The following G3BP1 variants were observed in gnomAD, a reference collection of about 807,000 sequenced individuals.
G3BP1 encodes G3BP stress granule assembly factor 1, also known as ras GTPase-activating protein-binding protein 1.
In G3BP1, 35 loss-of-function variants were observed where a neutral mutation model predicts 58.6. That is an observed-to-expected ratio of 0.60 (90% confidence interval 0.46 to 0.79). The LOEUF (loss-of-function observed/expected upper bound fraction) is 0.79, where lower values mean the gene tolerates loss of function less well. G3BP1 is among the 30% of genes least tolerant of loss of function. The pLI, the probability that G3BP1 is intolerant of heterozygous loss-of-function variation, is 0.00. For synonymous variants in G3BP1, 191 were observed against 195.4 expected (o/e 0.98, Z 0.19); for missense variants, 523 against 580.8 (o/e 0.90, Z 1.02).
rs1382969239 is a variant in G3BP1, at chr5:151,803,991, C to T, written c.1301C>T (p.Pro434Leu). The change falls in exon 12 of 12, where the codon CCT (proline) becomes CTT (leucine). Residue 434 changes from proline to leucine, a missense_variant. Around this residue, in one of 2 missense-constraint regions of G3BP1, gnomAD observed 125 missense variants for 181.7 expected, o/e 0.69. Coordinates refer to ENST00000356245, the MANE Select transcript of G3BP1 (RefSeq NM_005754.3). ...AATCGCCTTCGGGGACCTGGAGGCC[C>T]TCGAGGTGGGCTGGGTGGTGGAATG... ...RDNRLRGPGG[P>L]RGGLGGGMRG... The T allele has an allele frequency of 1.2e-6, 2 of 1,613,624 alleles. No individual in the cohort carries two copies. The highest frequency in any genetic ancestry group is 8.5e-7 in the Non-Finnish European group (1 of 1,179,736).
chr5:151,783,488 A>G (rs1762506957), intron 1 of G3BP1, among the ~76,000 whole-genome samples: 1 of 151,490 alleles, frequency 6.6e-6, no homozygotes, highest in East Asian at 1.9e-4. Flanking sequence ...GCTCGCTGCA[A>G]CCTCTGCCTC....
At chr5:151,796,863 C>A (rs1472569985) in intron 6 of G3BP1, among the ~76,000 whole-genome samples, 1 of 151,996 alleles carries the variant, frequency 6.6e-6, no homozygotes, top group East Asian at 1.9e-4. Context: ...AGACTATACC[C>A]ATTGAATGGC....
At chr5:151,780,676 C>A (rs1762454425) in intron 1 of G3BP1, among the ~76,000 whole-genome samples, 1 of 152,026 alleles carries the variant, frequency 6.6e-6, no homozygotes. Context: ...CCATGCCTGG[C>A]CAGTTTTTTT....
At chr5:151,799,613 AG>A (rs1037510286) in intron 8 of G3BP1, among the ~76,000 whole-genome samples, 25 of 151,800 alleles carry the variant, frequency 1.6e-4, no homozygotes, top group Admixed American at 4.6e-4. Flanking sequence ...TGAGTCCCGG[AG>A]GTTGAGGCTG....
chr5:151,781,817 A>G lies in G3BP1; in HGVS notation c.-49-4755A>G, dbSNP rs115333093. ...CCTACAAATAGTTAAATGATTGGTT[A>G]TATTATTGGTAAAGCTTCTGATCAC... On this transcript the variant is annotated intron_variant, in intron 1 of 11. Transcript: ENST00000356245. Among the ~76,000 whole-genome samples, 856 of 152,322 alleles carry G rather than the reference A, an allele frequency of 5.6e-3. 12 individuals carry two copies. The highest frequency in any genetic ancestry group is 0.02 in the African/African-American group (827 of 41,580).
intron 1 of G3BP1, among the ~76,000 whole-genome samples, chr5:151,784,311 C>A (rs1265413979): frequency 6.6e-6 from 1 of 151,928 alleles, no homozygotes; most frequent in South Asian, 2.1e-4. Context: ...TTTGTTGTTG[C>A]CCAGACTAAT....
chr5:151,791,895 G>A, intron 4 of G3BP1: 1 of 343,730 alleles, frequency 2.9e-6, no homozygotes. Flanking sequence ...GACCTCAAGT[G>A]ATCTGCCTGC....
intron 1 of G3BP1, among the ~76,000 whole-genome samples, chr5:151,785,813 T>C (rs1368444826): frequency 6.6e-6 from 1 of 152,220 alleles, no homozygotes; most frequent in Non-Finnish European, 1.5e-5. Flanking sequence ...TTTTTAGTCT[T>C]GTAGTTTCTT....
At position 151,800,333 on chromosome 5, in the gene G3BP1, A is replaced by G; in HGVS notation, c.1071A>G (p.Lys357=). The G allele has an allele frequency of 6.2e-7, 1 of 1,613,292 alleles. No homozygotes were observed. The highest frequency in any genetic ancestry group is 2.2e-5 in the East Asian group (1 of 44,842). Residue 357 remains lysine (K), a synonymous_variant, in exon 10 of 12, where the codon AAA becomes AAG. Transcript: ENST00000356245. The stretch of plus-strand genomic sequence containing the variant: ...ATGAAGTGGACAAATCAGAGCTTAA[A>G]GATTTCTTTCAAAGTAGGTTATTGA... ...LPHEVDKSEL[K]DFFQSYGNVV...
chr5:151,786,772 C>T (rs1762561053), intron 2 of G3BP1, 57 bp downstream of exon 2: 30 of 985,764 alleles, frequency 3.0e-5, no homozygotes, highest in South Asian at 2.8e-4. Flanking sequence ...TGGTACTTAT[C>T]TTTGAGATTC....
chr5:151,788,495 C>T (rs1271459022), intron 2 of G3BP1, among the ~76,000 whole-genome samples: 1 of 150,860 alleles, frequency 6.6e-6, no homozygotes, highest in African/African-American at 2.4e-5. Context: ...ACCTCCAGGG[C>T]TCAAGTGATC....
chr5:151,772,056 G>C lies in G3BP1; in HGVS notation c.-50+20G>C, dbSNP rs1002468142. The C allele has an allele frequency of 3.3e-5, 5 of 152,750 alleles. No homozygotes were observed. The highest frequency in any genetic ancestry group is 3.3e-4 in the Admixed American group (5 of 15,292). 9.5% of individuals were successfully genotyped at this position (152,750 alleles called of 1,614,324 possible). A position where few individuals can be genotyped will look rare whatever the true frequency, so the allele number is the denominator to read the frequency against. On this transcript the variant is annotated intron_variant, in intron 1 of 11. Coordinates refer to ENST00000356245, the MANE Select transcript of G3BP1 (RefSeq NM_005754.3). Reference sequence around the variant, plus strand: ...GCGTAGGTACGCCGGGGTGTGGGCGGGGCAGGGAGGCCAGAGGACTAAGCC... The same window carrying C: ...GCGTAGGTACGCCGGGGTGTGGGCGCGGCAGGGAGGCCAGAGGACTAAGCC...
Position 151,794,157 on chromosome 5 carries a change from AG to A in G3BP1, c.354del. 1 of 1,574,594 alleles carries A rather than the reference AG, an allele frequency of 6.4e-7. No individual in the cohort carries two copies. The highest frequency in any genetic ancestry group is 8.7e-7 in the Non-Finnish European group (1 of 1,144,808). On this transcript the variant is annotated splice_acceptor_variant, in intron 4 of 11. Transcript: ENST00000356245. LOFTEE classifies it high-confidence loss of function. ...AATTAAAACTTTCTGTTGGCATTGC[AG>A]GGGTCTGTTGCAAATAAATTCTATG...
chr5:151,779,876 G>A (rs1762436930), intron 1 of G3BP1, among the ~76,000 whole-genome samples: 1 of 152,194 alleles, frequency 6.6e-6, no homozygotes, highest in Admixed American at 6.5e-5. Flanking sequence ...TGTTATCAAT[G>A]TTATACTTTA....
chr5:151,791,373 TA>T (rs1762649211), intron 4 of G3BP1: 1 of 201,514 alleles, frequency 5.0e-6, no homozygotes, highest in African/African-American at 2.3e-5. Flanking sequence ...ATTTGGAAAT[TA>T]TCTCAATAAT....
rs1286804124 is a variant in G3BP1, at chr5:151,804,171, G to T, written c.*80G>T. On this transcript the variant is annotated 3_prime_UTR_variant, in exon 12 of 12. Coordinates refer to ENST00000356245, the MANE Select transcript of G3BP1 (RefSeq NM_005754.3). ...ATTTTCGACAGCCTTTGGTATCTTGGAGTATGACCCCAGTCTGTTATAAAC... is the reference window on the plus strand; with the variant it reads ...ATTTTCGACAGCCTTTGGTATCTTGTAGTATGACCCCAGTCTGTTATAAAC... 4.9e-6 allele frequency: 5 copies of T among 1,011,244 alleles called. No homozygotes were observed. The highest frequency in any genetic ancestry group is 7.4e-6 in the Non-Finnish European group (5 of 671,756). 62.6% of individuals were successfully genotyped at this position (1,011,244 alleles called of 1,614,324 possible). A position where few individuals can be genotyped will look rare whatever the true frequency, so the allele number is the denominator to read the frequency against.
At chr5:151,772,121 C>G (rs1762270452) in intron 1 of G3BP1, 85 bp downstream of exon 1, 1 of 151,970 alleles carries the variant, frequency 6.6e-6, no homozygotes, top group Admixed American at 6.6e-5. Context: ...CTGAGTGGCG[C>G]TCGCGGCGGC....
chr5:151,800,467 AAAG>A (rs1762831766), intron 10 of G3BP1, 121 bp downstream of exon 10: 2 of 664,772 alleles, frequency 3.0e-6, no homozygotes, highest in African/African-American at 3.7e-5. Context: ...TTAAAAAAAA[AAAG>A]GTAAAAAGAA....
intron 1 of G3BP1, among the ~76,000 whole-genome samples, chr5:151,775,111 A>C (rs141440496): frequency 1.3e-3 from 200 of 152,326 alleles, no homozygotes; most frequent in Middle Eastern, 0.01. Context: ...GTAGCTTAGT[A>C]AATAAGGTCT....
Sources: allele counts gnomAD v4.1 joint callset (sites outside exome capture counted in the v4.1 genomes callset), GRCh38; gene constraint gnomAD v4.1.1; regional missense constraint gnomAD v4.1.1; transcripts MANE v1.5; gene names NCBI Gene and HGNC (gene_info 2026-07-23, HGNC 2026-07-21).